Variants in CHD9 observed in about 807,000 individuals in gnomAD.
CHD9 encodes the protein ATP-dependent chromatin remodeler CHD9.
In CHD9, 77 loss-of-function variants were observed where a neutral mutation model predicts 316.1. That is an observed-to-expected ratio of 0.24 (90% CI 0.20 to 0.29). The LOEUF is 0.29. Among genes scored for constraint, CHD9 ranks in the 10% least tolerant of loss-of-function variants. CHD9 has a pLI of 1.00. For synonymous variants in CHD9, 1,129 were observed against 1,158.3 expected (o/e 0.97, Z 0.51); for missense variants, 2,763 against 3,438.1 (o/e 0.80, Z 4.91).
At position 53,297,069 on chromosome 16, in the gene CHD9, T is replaced by C. The variant is rs1486686897; in HGVS notation, c.5624T>C (p.Leu1875Pro). 6.2e-7 allele frequency: 1 copy of C among 1,613,886 alleles called. No individual in the cohort carries two copies. The highest frequency in any genetic ancestry group is 1.1e-5 in the South Asian group (1 of 91,086). The change falls in exon 30 of 39, where the codon CTA becomes CCA. Residue 1875 changes from leucine (L) to proline (P), a missense_variant. Around this residue, in one of 15 missense-constraint regions of CHD9, gnomAD observed 183 missense variants for 258.5 expected, o/e 0.71. Coordinates refer to ENST00000447540, the MANE Select transcript of CHD9 (RefSeq NM_001308319.2). ...DWTKFRAMARLHKKTDDSLEK... is the reference protein window; with the variant it reads ...DWTKFRAMARPHKKTDDSLEK... Reference sequence around the variant, plus strand: ...ACAAAATTTAGAGCTATGGCTAGGCTACATAAGAAAACTGATGATAGTTTG... The same window carrying C: ...ACAAAATTTAGAGCTATGGCTAGGCCACATAAGAAAACTGATGATAGTTTG...
rs770564262 is a variant in CHD9 at position 53,306,243 on chromosome 16, C to T, written c.6626C>T (p.Thr2209Ile). ...DEEEAQKRES[T>I]THMKAYDEES... ...TTATAATTGTTTTTAGCAGAAAGTA[C>T]TACTCACATGAAAGCCTATGATGAA... The change falls in exon 32 of 39, where the codon ACT becomes ATT. Residue 2209 changes from threonine (T) to isoleucine (I), a missense_variant. Around this residue, in one of 15 missense-constraint regions of CHD9, gnomAD observed 663 missense variants for 751.2 expected, o/e 0.88. Transcript: ENST00000447540. 3.2e-6 allele frequency: 5 copies of T among 1,541,268 alleles called. No individual in the cohort carries two copies. Among genetic ancestry groups the T allele is most frequent in the African/African-American group, 2.8e-5 (2 of 71,214 alleles).
At position 53,324,153 on chromosome 16, in the gene CHD9, C is replaced by G. The variant is rs2057441624; in HGVS notation, c.7952C>G (p.Thr2651Ser). ...ATAAAAAASATSVSGNPLLAN... is the reference protein window; with the variant it reads ...ATAAAAAASASSVSGNPLLAN... Reference sequence around the variant, plus strand: ...GCAGCAGCAGCTGCTGCATCTGCCACCAGTGTTTCAGGCAATCCTTTGTTA... The same window carrying G: ...GCAGCAGCAGCTGCTGCATCTGCCAGCAGTGTTTCAGGCAATCCTTTGTTA... Residue 2651 changes from threonine (T) to serine (S), a missense_variant, in exon 39 of 39, where the codon ACC becomes AGC. Thr to Ser is a moderately conservative substitution (Grantham distance 58). Coordinates refer to ENST00000447540, the MANE Select transcript of CHD9 (RefSeq NM_001308319.2). 3 of 1,614,010 alleles carry G rather than the reference C, an allele frequency of 1.9e-6. No homozygotes were observed. The highest frequency in any genetic ancestry group is 2.7e-5 in the African/African-American group (2 of 75,038).
chr16:53,324,755 C>G lies in CHD9; in HGVS notation c.8554C>G (p.Gln2852Glu). The G allele has an allele frequency of 6.2e-7, 1 of 1,613,346 alleles. No individual in the cohort carries two copies. Among genetic ancestry groups the G allele is most frequent in the Non-Finnish European group, 8.5e-7 (1 of 1,179,644 alleles). Residue 2852 changes from glutamine (Q) to glutamate (E), a missense_variant, in exon 39 of 39, where the codon CAG (glutamine) becomes GAG (glutamate). Gln to Glu is a conservative substitution (Grantham distance 29). This residue lies in a region of CHD9 where 298 missense variants were observed against 380.2 expected (regional missense o/e 0.78). Transcript: ENST00000447540. The stretch of plus-strand genomic sequence containing the variant: ...AGAAGAAGATTCCAGAATTAAAGAT[C>G]AGGAAGACAAAGGAGGAACTGAACC... ...VKEEDSRIKD[Q>E]EDKGGTEPSP...
At chr16:53,312,915 T>A (rs2056587753) in intron 34 of CHD9, among the ~76,000 whole-genome samples, 1 of 152,186 alleles carries the variant, frequency 6.6e-6, no homozygotes, top group Non-Finnish European at 1.5e-5. Flanking sequence ...ATTATAAACA[T>A]GTAAACTATT....
At chr16:53,272,494 C>CA (rs1222192022) in intron 22 of CHD9, among the ~76,000 whole-genome samples, 2 of 151,870 alleles carry the variant, frequency 1.3e-5, no homozygotes, top group Non-Finnish European at 2.9e-5. Flanking sequence ...CAAGAGGAGT[C>CA]AAAACTGCAT....
intron 1 of CHD9, among the ~76,000 whole-genome samples, chr16:53,146,492 G>A (rs1260108228): frequency 2.8e-5 from 4 of 141,766 alleles, no homozygotes; most frequent in South Asian, 2.2e-4. Context: ...TAACACTACC[G>A]AACTGTATAC....
chr16:53,244,752 T>C (rs1315327180), intron 13 of CHD9, among the ~76,000 whole-genome samples: 2 of 152,136 alleles, frequency 1.3e-5, no homozygotes, highest in Non-Finnish European at 2.9e-5. Context: ...CATTTCAGAA[T>C]GATACAGAGT....
At chr16:53,281,564 G>T (rs2053418635) in intron 24 of CHD9, among the ~76,000 whole-genome samples, 1 of 152,086 alleles carries the variant, frequency 6.6e-6, no homozygotes, top group African/African-American at 2.4e-5. Context: ...CAAAAATCAG[G>T]TCTTGGCACT....
At chr16:53,315,894 T>G (rs955289392) in intron 36 of CHD9, among the ~76,000 whole-genome samples, 7 of 152,190 alleles carry the variant, frequency 4.6e-5, no homozygotes, top group African/African-American at 1.7e-4. Flanking sequence ...AAGCTCTTCT[T>G]CAAGCTATGA....
At chr16:53,158,912 T>TCCC (rs2041715724) in intron 2 of CHD9, among the ~76,000 whole-genome samples, 2 of 152,158 alleles carry the variant, frequency 1.3e-5, no homozygotes, top group African/African-American at 4.8e-5. Context: ...GCTGGGATTA[T>TCCC]AGACGTGAGA....
chr16:53,158,360 T>G (rs1352065595), intron 2 of CHD9, among the ~76,000 whole-genome samples: 1 of 152,112 alleles, frequency 6.6e-6, no homozygotes, highest in East Asian at 1.9e-4. Flanking sequence ...AACACTAACA[T>G]TGAGAATATG....
At chr16:53,057,019 ATTTG>A (rs1159402568) in intron 1 of CHD9, among the ~76,000 whole-genome samples, 2 of 152,028 alleles carry the variant, frequency 1.3e-5, no homozygotes, top group East Asian at 1.9e-4. Context: ...CTTAAAAAAA[ATTTG>A]TTTGTGGCCA....
intron 8 of CHD9, among the ~76,000 whole-genome samples, chr16:53,230,350 T>C (rs1305428298): frequency 6.6e-6 from 1 of 152,222 alleles, no homozygotes; most frequent in African/African-American, 2.4e-5. Context: ...CTGGGTATGG[T>C]GGCTCATGCC....
chr16:53,201,724 C>T (rs886980402), intron 2 of CHD9, among the ~76,000 whole-genome samples: 2 of 152,166 alleles, frequency 1.3e-5, no homozygotes, highest in African/African-American at 4.8e-5. Context: ...GTACTACCAT[C>T]TAATGAATAT....
At chr16:53,083,002 C>T (rs1314055314) in intron 1 of CHD9, among the ~76,000 whole-genome samples, 2 of 152,150 alleles carry the variant, frequency 1.3e-5, no homozygotes, top group East Asian at 1.9e-4. Context: ...TTGTGTCTTC[C>T]TTGTTCATTG....
At chr16:53,296,299 C>T (rs1008587919) in intron 29 of CHD9, among the ~76,000 whole-genome samples, 2 of 152,042 alleles carry the variant, frequency 1.3e-5, no homozygotes, top group East Asian at 3.8e-4. Flanking sequence ...ATTTTGTATC[C>T]TGTGCTGATT....
At chr16:53,266,284 T>C (rs1046475752) in intron 20 of CHD9, among the ~76,000 whole-genome samples, 2 of 152,184 alleles carry the variant, frequency 1.3e-5, no homozygotes, top group Non-Finnish European at 2.9e-5. Flanking sequence ...TCACCTGTCA[T>C]AGGACATCAC....
intron 9 of CHD9, 49 bp downstream of exon 9, chr16:53,231,554 T>A: frequency 7.2e-7 from 1 of 1,396,976 alleles, no homozygotes; most frequent in Non-Finnish European, 1.0e-6. Flanking sequence ...TCTGAAACTT[T>A]CCAAGTATTA....
At chr16:53,285,298 C>G (rs917126724) in intron 24 of CHD9, among the ~76,000 whole-genome samples, 2 of 152,168 alleles carry the variant, frequency 1.3e-5, no homozygotes, top group Non-Finnish European at 2.9e-5. Flanking sequence ...CCAATAGAAC[C>G]CTTTGTCTCT....
Sources: allele counts gnomAD v4.1 joint callset (sites outside exome capture counted in the v4.1 genomes callset), GRCh38; gene constraint gnomAD v4.1.1; regional missense constraint gnomAD v4.1.1; transcripts MANE v1.5; gene names NCBI Gene and HGNC (gene_info 2026-07-23, HGNC 2026-07-21).